Variants in CALN1 observed in about 807,000 individuals in gnomAD.
The protein encoded by CALN1 is calcium-binding protein 8.
Under a neutral mutation model 30.6 loss-of-function variants are expected in CALN1, and 17 were observed. The ratio of observed to expected loss-of-function variants is 0.56; its 90% CI spans 0.38 to 0.83. The LOEUF is 0.83. Ranked by LOEUF, CALN1 falls within the 40% of genes least tolerant of loss-of-function variation. CALN1 has a pLI of 0.00. For missense variants in CALN1, 291 were observed against 354.9 expected, an observed-to-expected ratio of 0.82 and a Z score of 1.45; for synonymous variants, 156 against 131.4, an observed-to-expected ratio of 1.19 and a Z score of -1.28.
chr7:72,113,775 G>C (rs568006915), intron 3 of CALN1, among the ~76,000 whole-genome samples: 4 of 152,186 alleles, frequency 2.6e-5, no homozygotes, highest in Non-Finnish European at 5.9e-5. Context: ...TTTATACTCC[G>C]GACTTTTCTT....
At chr7:72,368,765 G>GAAATTTCT (rs1804033173) in intron 2 of CALN1, among the ~76,000 whole-genome samples, 2 of 148,520 alleles carry the variant, frequency 1.3e-5, no homozygotes, top group South Asian at 4.3e-4. Context: ...AAGTCCTAGT[G>GAAATTTCT]AAATTTCTGC....
intron 6 of CALN1, among the ~76,000 whole-genome samples, chr7:71,802,880 G>A (rs1317445734): frequency 6.6e-6 from 1 of 151,940 alleles, no homozygotes; most frequent in African/African-American, 2.4e-5. Context: ...AAAATTAGCC[G>A]GGCATGGTGG....
intron 1 of CALN1, among the ~76,000 whole-genome samples, chr7:72,420,660 G>A (rs954904301): frequency 3.8e-5 from 5 of 132,930 alleles, no homozygotes; most frequent in African/African-American, 1.5e-4. Flanking sequence ...GCCTCGCTCT[G>A]TCGCCCAGGC....
intron 5 of CALN1, among the ~76,000 whole-genome samples, chr7:71,847,695 GAAGAAGA>G (rs749523708): frequency 1.1e-3 from 134 of 119,796 alleles, no homozygotes; most frequent in Non-Finnish European, 1.3e-3. Context: ...AAAAAAGGAG[GAAGAAGA>G]AAGAAGAAAG....
chr7:72,499,783 T>TTCCC, the CALN1 span, among the ~76,000 whole-genome samples: 1 of 41,154 alleles, frequency 2.4e-5, no homozygotes, highest in East Asian at 8.5e-4. Context: ...CTTTCCTTCC[T>TTCCC]TCCTTCCTTC....
chr7:72,200,441 G>A (rs1224419041), intron 3 of CALN1, among the ~76,000 whole-genome samples: 1 of 152,150 alleles, frequency 6.6e-6, no homozygotes, highest in Non-Finnish European at 1.5e-5. Flanking sequence ...TTATTTCTAG[G>A]TTTCAAGCAC....
At chr7:71,798,686 A>G (rs574907035) in intron 6 of CALN1, among the ~76,000 whole-genome samples, 32 of 130,518 alleles carry the variant, frequency 2.5e-4, no homozygotes, top group Non-Finnish European at 4.7e-4. Flanking sequence ...CAGTGGTGTG[A>G]TCTCGGCTCA....
chr7:72,238,354 A>G (rs919159291), intron 3 of CALN1, among the ~76,000 whole-genome samples: 1 of 152,208 alleles, frequency 6.6e-6, no homozygotes, highest in African/African-American at 2.4e-5. Context: ...TTTATTCCCT[A>G]GAAATTCATG....
At chr7:72,275,020 A>AC (rs1797246843) in intron 3 of CALN1, among the ~76,000 whole-genome samples, 2 of 152,034 alleles carry the variant, frequency 1.3e-5, no homozygotes, top group African/African-American at 4.8e-5. Context: ...CGAAGTGCAC[A>AC]CCTTTGGCCC....
At chr7:71,830,429 C>T (rs774232079) in intron 5 of CALN1, among the ~76,000 whole-genome samples, 20 of 152,080 alleles carry the variant, frequency 1.3e-4, no homozygotes, top group Non-Finnish European at 2.6e-4. Context: ...CTCACTGCAA[C>T]CTCTGCCGCC....
At chr7:72,395,284 G>A (rs940203751) in intron 2 of CALN1, among the ~76,000 whole-genome samples, 1 of 152,074 alleles carries the variant, frequency 6.6e-6, no homozygotes, top group Non-Finnish European at 1.5e-5. Flanking sequence ...ATGTCCCCGG[G>A]AGAGAAAATA....
chr7:71,940,369 C>T (rs1009885804), intron 5 of CALN1, among the ~76,000 whole-genome samples: 1 of 152,194 alleles, frequency 6.6e-6, no homozygotes, highest in African/African-American at 2.4e-5. Context: ...CCTGTAGACT[C>T]ATCCCAGTGA....
upstream of CALN1, among the ~76,000 whole-genome samples, chr7:72,413,384 C>T (rs920589544): frequency 2.6e-5 from 4 of 151,920 alleles, no homozygotes; most frequent in African/African-American, 7.3e-5. Context: ...CACGAACATA[C>T]TCATACATGC....
At chr7:72,155,689 G>C (rs755896748) in intron 3 of CALN1, among the ~76,000 whole-genome samples, 4 of 152,090 alleles carry the variant, frequency 2.6e-5, no homozygotes, top group African/African-American at 9.7e-5. Flanking sequence ...CAATATATTA[G>C]TTTCCCATTT....
chr7:71,800,726 G>T (rs896990394), intron 6 of CALN1, among the ~76,000 whole-genome samples: 1 of 152,082 alleles, frequency 6.6e-6, no homozygotes, highest in African/African-American at 2.4e-5. Context: ...AATGACCCAG[G>T]GTGACCAATG....
chr7:72,289,754 ATTTTTC>A (rs1293384907), intron 2 of CALN1, among the ~76,000 whole-genome samples: 1 of 152,098 alleles, frequency 6.6e-6, no homozygotes, highest in African/African-American at 2.4e-5. Flanking sequence ...TATTACCTTG[ATTTTTC>A]ACTTATTTCA....
intron 5 of CALN1, among the ~76,000 whole-genome samples, chr7:71,995,208 G>T (rs1219866830): frequency 6.6e-6 from 1 of 152,128 alleles, no homozygotes; most frequent in African/African-American, 2.4e-5. Flanking sequence ...GGGCCATGTT[G>T]CCTGGTCCTT....
intron 3 of CALN1, among the ~76,000 whole-genome samples, chr7:72,156,205 T>C (rs1019561433): frequency 2.0e-5 from 3 of 152,068 alleles, no homozygotes; most frequent in African/African-American, 7.2e-5. Context: ...GGTCCAGCAA[T>C]GGACTTCCAT....
chr7:71,917,342 T>G (rs959446558), intron 5 of CALN1, among the ~76,000 whole-genome samples: 5 of 152,138 alleles, frequency 3.3e-5, no homozygotes, highest in Admixed American at 2.6e-4. Flanking sequence ...GTTCTAGAGG[T>G]CTAATATACA....
Sources: allele counts gnomAD v4.1 joint callset (sites outside exome capture counted in the v4.1 genomes callset), GRCh38; gene constraint gnomAD v4.1.1; transcripts MANE v1.5; gene names NCBI Gene and HGNC (gene_info 2026-07-23, HGNC 2026-07-21).